The following TNS1 variants were observed in gnomAD, a reference collection of about 807,000 sequenced individuals.
The protein encoded by TNS1 is tensin-1.
In TNS1, 62 loss-of-function variants were observed where a neutral mutation model predicts 168.6. The ratio of observed to expected loss-of-function variants is 0.37; its 90% confidence interval spans 0.30 to 0.45. TNS1 has a LOEUF of 0.45. TNS1 is among the 20% of genes least tolerant of loss of function. The probability of loss-of-function intolerance (pLI) is 1.00; values close to 1 mark genes in which losing one functional copy is unlikely to be tolerated. For synonymous variants in TNS1, 934 were observed against 933.2 expected, an observed-to-expected ratio of 1.00 and a Z score of -0.02; for missense variants, 2,240 against 2,339.4, an observed-to-expected ratio of 0.96 and a Z score of 0.88.
At position 217,875,123 on chromosome 2, in the gene TNS1, C is replaced by T. The variant is rs533524326; in HGVS notation, c.1429+5775G>A. On this transcript the variant is annotated intron_variant, in intron 18 of 32. Coordinates refer to ENST00000682258, the MANE Select transcript of TNS1 (RefSeq NM_001387777.1). ...TGCAAGCCATGGTGTCTTCTTCCCACAGCTGCAGCAGTGAAGGAAGCACCT... is the reference window on the plus strand; with the variant it reads ...TGCAAGCCATGGTGTCTTCTTCCCATAGCTGCAGCAGTGAAGGAAGCACCT... Among the ~76,000 whole-genome samples the T allele has an allele frequency of 2.0e-5, 3 of 152,374 alleles. No homozygotes were observed. The East Asian group carries it at 5.8e-4, about 29-fold the overall frequency.
intron 30 of TNS1, 79 bp downstream of exon 30, chr2:217,809,744 G>A (rs1940470192): frequency 7.6e-6 from 11 of 1,445,516 alleles, no homozygotes; most frequent in Non-Finnish European, 9.5e-6. Context: ...CAATCAAGTG[G>A]TAAATGTGTG....
At chr2:217,908,522 T>C (rs1276484937) in intron 4 of TNS1, among the ~76,000 whole-genome samples, 3 of 152,150 alleles carry the variant, frequency 2.0e-5, no homozygotes, top group Non-Finnish European at 2.9e-5. Flanking sequence ...CCCTGAGAGC[T>C]GAGGGATGAG....
At chr2:217,852,084 G>T (rs1485172070) in intron 18 of TNS1, among the ~76,000 whole-genome samples, 1 of 152,220 alleles carries the variant, frequency 6.6e-6, no homozygotes, top group Non-Finnish European at 1.5e-5. Context: ...GGCAGAGGTT[G>T]CAGTGAGCCG....
intron 3 of TNS1, among the ~76,000 whole-genome samples, chr2:217,935,318 G>A (rs1490890087): frequency 1.3e-5 from 2 of 152,272 alleles, no homozygotes. Context: ...AGGCCCTCCG[G>A]AGGCTCTGGA....
Position 217,980,678 on chromosome 2 carries a change from C to T in TNS1, c.149-1876G>A, listed in dbSNP as rs559632418. Among the ~76,000 whole-genome samples, 6 of 152,210 alleles carry T rather than the reference C, an allele frequency of 3.9e-5. No individual in the cohort carries two copies. In the South Asian group the frequency reaches 1.2e-3, roughly 32 times the overall value. On this transcript the variant is annotated intron_variant, in intron 2 of 32. Coordinates refer to ENST00000682258, the MANE Select transcript of TNS1 (RefSeq NM_001387777.1). ...TCTCAGATCGTTCCTGAGCTGTAGA[C>T]CGCCACCTCAACATCTCATGTTCAA...
chr2:217,893,494 G>A lies in TNS1; in HGVS notation c.662C>T (p.Ala221Val). The change falls in exon 10 of 33, where the codon GCC becomes GTC. Residue 221 changes from alanine (A) to valine (V), a missense_variant. Ala to Val is a moderately conservative substitution (Grantham distance 64, BLOSUM62 0). This residue lies in a region of TNS1 where 2,131 missense variants were observed against 2,171.2 expected (regional missense o/e 0.98). Coordinates refer to ENST00000682258, the MANE Select transcript of TNS1 (RefSeq NM_001387777.1). Reference sequence around the variant, plus strand: ...GTCTGCATTGAGCCATGTGTCCATGGCCTTACAGATGCTGCAGATCTTCTC... The same window carrying A: ...GTCTGCATTGAGCCATGTGTCCATGACCTTACAGATGCTGCAGATCTTCTC... Reference protein sequence around the residue: ...ALEKICSICKAMDTWLNADPH... With the variant: ...ALEKICSICKVMDTWLNADPH... 1 of 1,613,488 alleles carries A rather than the reference G, an allele frequency of 6.2e-7. No individual in the cohort carries two copies. Among genetic ancestry groups the A allele is most frequent in the Non-Finnish European group, 8.5e-7 (1 of 1,179,750 alleles).
intron 4 of TNS1, among the ~76,000 whole-genome samples, chr2:217,912,542 T>A (rs1954546422): frequency 6.6e-6 from 1 of 152,164 alleles, no homozygotes; most frequent in Admixed American, 6.5e-5. Context: ...GGGAAGGAAC[T>A]GGGAGCTGGC....
At chr2:217,904,253 C>T (rs1195888633) in intron 6 of TNS1, among the ~76,000 whole-genome samples, 1 of 152,234 alleles carries the variant, frequency 6.6e-6, no homozygotes, top group African/African-American at 2.4e-5. Flanking sequence ...AACTCCACTA[C>T]ACACCAACTC....
At chr2:217,809,236 GATGGATGGATGGATGC>G (rs1939959845) in intron 30 of TNS1, among the ~76,000 whole-genome samples, 2 of 61,222 alleles carry the variant, frequency 3.3e-5, no homozygotes, top group African/African-American at 8.1e-5. Context: ...TGGATGGATG[GATGGATGGATGGATGC>G]ATGGATGGAT....
intron 27 of TNS1, among the ~76,000 whole-genome samples, chr2:217,812,791 TGTTGG>T (rs1391828463): frequency 6.6e-6 from 1 of 152,218 alleles, no homozygotes; most frequent in Non-Finnish European, 1.5e-5. Flanking sequence ...ACTTCTCACC[TGTTGG>T]TTCTCAGGTA....
chr2:217,964,253 T>C (rs914486903), intron 3 of TNS1, among the ~76,000 whole-genome samples: 8 of 152,260 alleles, frequency 5.3e-5, no homozygotes, highest in Non-Finnish European at 1.0e-4. Flanking sequence ...TAGGCATTAA[T>C]GCATTTAATT....
intron 3 of TNS1, among the ~76,000 whole-genome samples, chr2:217,944,412 C>A (rs1300162179): frequency 6.6e-6 from 1 of 152,090 alleles, no homozygotes; most frequent in Non-Finnish European, 1.5e-5. Flanking sequence ...ATAGAAAAGA[C>A]GCAGGTGCAG....
In TNS1 at chr2:217,951,576, G is replaced by A. The variant is rs577082803; in HGVS notation, c.186+27189C>T. ...GCAAGCCGGCAGGGCCTCAGGGCCT[G>A]GCTGGACCACATTCCAGCATATCAG... On this transcript the variant is annotated intron_variant, in intron 3 of 32. Transcript: ENST00000682258. 1.1e-4 allele frequency among the ~76,000 whole-genome samples: 17 copies of A among 152,258 alleles called. No homozygotes were observed. In the South Asian group the frequency reaches 3.1e-3, roughly 28 times the overall value.
chr2:217,946,300 G>A (rs2125960932), intron 3 of TNS1, among the ~76,000 whole-genome samples: 1 of 152,300 alleles, frequency 6.6e-6, no homozygotes, highest in South Asian at 2.1e-4. Context: ...CTGACATGCA[G>A]TGGGTCAGGT....
chr2:217,949,235 G>A (rs368006449), intron 3 of TNS1, among the ~76,000 whole-genome samples: 61 of 152,300 alleles, frequency 4.0e-4, no homozygotes, highest in Non-Finnish European at 6.8e-4. Context: ...GGAGATGCCC[G>A]GAAACATGTT....
At chr2:217,881,286 G>C (rs1419177200) in intron 17 of TNS1, 1 of 388,024 alleles carries the variant, frequency 2.6e-6, no homozygotes, top group Non-Finnish European at 4.6e-6. Context: ...CTGGAAGAAA[G>C]CGGGGAGGAC....
At position 217,804,290 on chromosome 2, in the gene TNS1, T is replaced by C. The variant is rs1006529270; in HGVS notation, c.*169A>G. The C allele has an allele frequency of 5.9e-5, 30 of 504,728 alleles. No homozygotes were observed. Among genetic ancestry groups the C allele is most frequent in the African/African-American group, 2.3e-4 (8 of 35,472 alleles). The allele number at this position is 504,728 out of a possible 1,614,324, so 31.3% of individuals were successfully genotyped here. ...TCTCTCTCTCTCTCTCTCTCTCTCT[T>C]TTCCCCCTCCCCTCTGCAATTCACT... On this transcript the variant is annotated 3_prime_UTR_variant, in exon 33 of 33. Transcript: ENST00000682258.
intron 3 of TNS1, among the ~76,000 whole-genome samples, chr2:217,964,631 G>A (rs1437438161): frequency 6.6e-6 from 1 of 152,186 alleles, no homozygotes; most frequent in Non-Finnish European, 1.5e-5. Flanking sequence ...CGCTGATGTG[G>A]AATTCAAGCC....
upstream of TNS1, among the ~76,000 whole-genome samples, chr2:218,004,172 C>T (rs1004855396): frequency 3.3e-5 from 5 of 152,226 alleles, no homozygotes; most frequent in East Asian, 9.6e-4. Context: ...CCCACACCCT[C>T]CTGTGGACAC....
Sources: gnomAD v4.1 joint callset for allele counts (sites outside exome capture counted in the v4.1 genomes callset) on GRCh38, gnomAD v4.1.1 for gene constraint, gnomAD v4.1.1 regional missense constraint, MANE v1.5 for transcripts, NCBI Gene and HGNC (gene_info 2026-07-23, HGNC 2026-07-21) for gene names.